The following EPHB1 variants were observed in gnomAD, a reference collection of about 807,000 sequenced individuals.
EPHB1 encodes ephrin type-B receptor 1.
In EPHB1, 30 loss-of-function variants were observed where a neutral mutation model predicts 94.4. That is an observed-to-expected ratio of 0.32 (90% CI 0.24 to 0.43). The LOEUF is 0.43. Among genes scored for constraint, EPHB1 ranks in the 20% least tolerant of loss-of-function variants. The pLI is 1.00. For missense variants in EPHB1, 1,055 were observed against 1,308.3 expected (o/e 0.81, Z 2.99); for synonymous variants, 522 against 489.1 (o/e 1.07, Z -0.89).
At chr3:134,853,720 G>A (rs776022433) in intron 1 of EPHB1, among the ~76,000 whole-genome samples, 7 of 152,202 alleles carry the variant, frequency 4.6e-5, no homozygotes, top group East Asian at 3.8e-4. Flanking sequence ...CAGAAGCACC[G>A]TAGCACAGCA....
chr3:134,945,895 G>T (rs889637982), intron 2 of EPHB1, among the ~76,000 whole-genome samples: 1 of 152,162 alleles, frequency 6.6e-6, no homozygotes, highest in Non-Finnish European at 1.5e-5. Context: ...ATAGGAAATT[G>T]GGCATCTACA....
chr3:135,177,865 A>AC (rs1168783941), intron 9 of EPHB1, among the ~76,000 whole-genome samples: 3 of 152,018 alleles, frequency 2.0e-5, no homozygotes, highest in Non-Finnish European at 4.4e-5. Flanking sequence ...AAGGACTGGC[A>AC]CCCCCATCTC....
At chr3:134,980,556 T>C (rs1317074680) in intron 3 of EPHB1, among the ~76,000 whole-genome samples, 2 of 152,180 alleles carry the variant, frequency 1.3e-5, no homozygotes, top group Admixed American at 6.5e-5. Flanking sequence ...CAGTGCTATC[T>C]AGAAGAAAGT....
At chr3:135,225,958 A>G (rs2107722056) in intron 12 of EPHB1, among the ~76,000 whole-genome samples, 1 of 152,364 alleles carries the variant, frequency 6.6e-6, no homozygotes, top group Middle Eastern at 3.4e-3. Context: ...GGAAAATGGA[A>G]AGTAAATCTT....
intron 3 of EPHB1, among the ~76,000 whole-genome samples, chr3:135,016,864 C>T (rs552069074): frequency 1.3e-3 from 202 of 152,268 alleles, no homozygotes; most frequent in Non-Finnish European, 2.1e-3. Flanking sequence ...GCTCCTTTCT[C>T]GGGACTCTGG....
intron 12 of EPHB1, among the ~76,000 whole-genome samples, chr3:135,221,313 A>G (rs533155826): frequency 6.6e-6 from 1 of 152,318 alleles, no homozygotes; most frequent in Non-Finnish European, 1.5e-5. Context: ...ACTATTCTAT[A>G]CTAGTTCTCT....
intron 3 of EPHB1, among the ~76,000 whole-genome samples, chr3:135,098,593 T>C (rs538051673): frequency 6.6e-6 from 1 of 152,300 alleles, no homozygotes; most frequent in South Asian, 2.1e-4. Flanking sequence ...AACATAAATC[T>C]TTTCCCACAC....
At chr3:135,057,815 T>G (rs923152063) in intron 3 of EPHB1, among the ~76,000 whole-genome samples, 1 of 152,246 alleles carries the variant, frequency 6.6e-6, no homozygotes, top group Admixed American at 6.5e-5. Context: ...ACTGAAAGTC[T>G]CAGAAAACCT....
At chr3:135,227,826 T>C (rs1943436327) in intron 12 of EPHB1, among the ~76,000 whole-genome samples, 1 of 152,196 alleles carries the variant, frequency 6.6e-6, no homozygotes, top group Admixed American at 6.5e-5. Context: ...CCCGGATTCT[T>C]TACCTACTGT....
intron 12 of EPHB1, among the ~76,000 whole-genome samples, chr3:135,224,917 T>C (rs1943357942): frequency 1.3e-5 from 2 of 152,224 alleles, no homozygotes; most frequent in Admixed American, 6.5e-5. Context: ...AAGATTCTCA[T>C]GTGTTTCCAG....
At chr3:135,075,921 T>C (rs1287706308) in intron 3 of EPHB1, among the ~76,000 whole-genome samples, 2 of 152,060 alleles carry the variant, frequency 1.3e-5, no homozygotes, top group Non-Finnish European at 2.9e-5. Flanking sequence ...TGGGGATGGA[T>C]GAGTAGATGG....
At chr3:134,860,020 T>C (rs1036291541) in intron 1 of EPHB1, among the ~76,000 whole-genome samples, 1 of 152,202 alleles carries the variant, frequency 6.6e-6, no homozygotes, top group African/African-American at 2.4e-5. Context: ...AAATATATTA[T>C]GTATTTCACC....
At chr3:134,855,849 T>A (rs1376729939) in intron 1 of EPHB1, among the ~76,000 whole-genome samples, 4 of 151,992 alleles carry the variant, frequency 2.6e-5, no homozygotes, top group Non-Finnish European at 5.9e-5. Flanking sequence ...CTCAACTGAG[T>A]GTTTTATGTG....
intron 1 of EPHB1, among the ~76,000 whole-genome samples, chr3:134,922,441 G>A (rs528037736): frequency 7.0e-4 from 107 of 152,340 alleles, no homozygotes; most frequent in Non-Finnish European, 1.3e-3. Context: ...TTCTCTTGCT[G>A]CAAATTCTGT....
At position 135,054,040 on chromosome 3, in the gene EPHB1, T is replaced by TATATATATATACAC. The variant is rs377064799; in HGVS notation, c.806-52407_806-52406insTATATATATACACA. On this transcript the variant is annotated intron_variant, in intron 3 of 15. Coordinates refer to ENST00000398015, the MANE Select transcript of EPHB1 (RefSeq NM_004441.5). ...GTGTGTCTGCATATATATATATATA[T>TATATATATATACAC]ACACACACACACACACACACACACA... 6.2e-4 allele frequency among the ~76,000 whole-genome samples: 87 copies of TATATATATATACAC among 139,872 alleles called. 1 individual carries two copies. Among genetic ancestry groups the TATATATATATACAC allele is most frequent in the African/African-American group, 2.3e-3 (85 of 36,480 alleles). 91.8% of individuals were successfully genotyped at this position (139,872 alleles called of 152,430 possible).
At chr3:135,008,749 A>G (rs978745242) in intron 3 of EPHB1, among the ~76,000 whole-genome samples, 1 of 152,212 alleles carries the variant, frequency 6.6e-6, no homozygotes, top group Non-Finnish European at 1.5e-5. Flanking sequence ...GCATGGGGCC[A>G]TCCGAGAGAA....
chr3:135,069,169 AT>A (rs947156396), intron 3 of EPHB1, among the ~76,000 whole-genome samples: 4 of 151,272 alleles, frequency 2.6e-5, no homozygotes, highest in Admixed American at 6.6e-5. Context: ...TGATTTTTAA[AT>A]TTTTTTTATA....
chr3:135,241,063 A>G, intron 12 of EPHB1, 85 bp from the exon 13 acceptor site: 1 of 1,518,108 alleles, frequency 6.6e-7, no homozygotes, highest in Non-Finnish European at 9.1e-7. Context: ...GAGAGTTTGG[A>G]AGAATGTGCA....
chr3:135,089,584 A>G (rs1344077491), intron 3 of EPHB1, among the ~76,000 whole-genome samples: 1 of 152,238 alleles, frequency 6.6e-6, no homozygotes, highest in East Asian at 1.9e-4. Flanking sequence ...TTCTCATACC[A>G]GTCTCTCATT....
Sources: gnomAD v4.1 joint callset for allele counts (sites outside exome capture counted in the v4.1 genomes callset) on GRCh38, gnomAD v4.1.1 for gene constraint, MANE v1.5 for transcripts, NCBI Gene and HGNC (gene_info 2026-07-23, HGNC 2026-07-21) for gene names.